Variants in NECTIN1 observed in about 807,000 individuals in gnomAD.
NECTIN1 encodes the protein nectin-1.
Under a neutral mutation model 48.0 loss-of-function variants are expected in NECTIN1, and 23 were observed. That is an observed-to-expected ratio of 0.48 (90% confidence interval 0.34 to 0.68). NECTIN1 has a LOEUF of 0.68. NECTIN1 is among the 30% of genes least tolerant of loss of function. NECTIN1 has a pLI of 0.01. For synonymous variants in NECTIN1, 270 were observed against 288.9 expected (o/e 0.93, Z 0.66); for missense variants, 591 against 709.9 (o/e 0.83, Z 1.90).
intron 5 of NECTIN1, 94 bp downstream of exon 5, chr11:119,675,065 A>C (rs975115723): frequency 5.7e-6 from 8 of 1,412,558 alleles, no homozygotes; most frequent in Non-Finnish European, 6.9e-6. Context: ...AAAAGGAGAT[A>C]ATCTTCCTGC....
At chr11:119,714,285 T>A (rs1347616733) in intron 1 of NECTIN1, among the ~76,000 whole-genome samples, 2 of 152,110 alleles carry the variant, frequency 1.3e-5, no homozygotes, top group Non-Finnish European at 2.9e-5. Context: ...TGTATCCCAA[T>A]GCCAAAAGCG....
chr11:119,663,103 T>G lies in NECTIN1; in HGVS notation c.*1644A>C. The G allele has an allele frequency of 1.0e-6, 1 of 985,378 alleles. No individual in the cohort carries two copies. The highest frequency in any genetic ancestry group is 1.2e-6 in the Non-Finnish European group (1 of 829,922). 61.0% of individuals were successfully genotyped at this position (985,378 alleles called of 1,614,324 possible). On this transcript the variant is annotated 3_prime_UTR_variant, in exon 6 of 6. Transcript: ENST00000264025. ...CCCGTGGGGCACAGAGTGGTCTGCC[T>G]CCCTCCTCCCCAACACTTGCCATCC... is the stretch of plus-strand genomic sequence containing the variant.
Position 119,665,533 on chromosome 11 carries a change from C to CA in NECTIN1, c.1004-237dup, listed in dbSNP as rs1308415561. Among the ~76,000 whole-genome samples, 1 of 152,138 alleles carries CA rather than the reference C, an allele frequency of 6.6e-6. No individual in the cohort carries two copies. The highest frequency in any genetic ancestry group is 1.5e-5 in the Non-Finnish European group (1 of 68,024). ...AAGAGGAGAGGCAGAGGGCAGTACC[C>CA]ACAGCACCAGGGTCTTCCATCCCCA... is the stretch of plus-strand genomic sequence containing the variant. On this transcript the variant is annotated intron_variant, in intron 5 of 5. Transcript: ENST00000264025. The surrounding 1 kb of genome is among the most constrained non-coding windows in gnomAD (Gnocchi z 5.1).
exon 6 of NECTIN1, chr11:119,639,954 C>T (rs752216575): frequency 6.8e-6 from 11 of 1,614,030 alleles, no homozygotes; most frequent in Non-Finnish European, 7.6e-6. Flanking sequence ...GGAACACGGC[C>T]ACGGTGCCCG....
chr11:119,717,804 GT>G (rs749538256), intron 1 of NECTIN1, among the ~76,000 whole-genome samples: 7 of 152,334 alleles, frequency 4.6e-5, no homozygotes, highest in Admixed American at 1.3e-4. Context: ...GGCAATGCTG[GT>G]CCCTTCGTGC....
chr11:119,701,697 C>G (rs114495045), intron 1 of NECTIN1, among the ~76,000 whole-genome samples: 231 of 152,266 alleles, frequency 1.5e-3, no homozygotes, highest in African/African-American at 5.2e-3. Context: ...TTAGTTCTGA[C>G]AAATTAATAA....
At chr11:119,670,424 A>G (rs1172693822) in intron 5 of NECTIN1, among the ~76,000 whole-genome samples, 1 of 152,216 alleles carries the variant, frequency 6.6e-6, no homozygotes, top group Non-Finnish European at 1.5e-5. Context: ...GTTGGACGAC[A>G]GAATGAATTC....
intron 1 of NECTIN1, among the ~76,000 whole-genome samples, chr11:119,715,706 T>C (rs1001215835): frequency 2.6e-5 from 4 of 152,142 alleles, no homozygotes; most frequent in Non-Finnish European, 5.9e-5. Context: ...TGCAGGCCCC[T>C]GCCTAGTGTC....
intron 5 of NECTIN1, chr11:119,674,678 A>T: frequency 6.2e-7 from 1 of 1,614,228 alleles, no homozygotes; most frequent in Non-Finnish European, 8.5e-7. Flanking sequence ...CAGGGCACAC[A>T]AAGCACTATG....
intron 1 of NECTIN1, among the ~76,000 whole-genome samples, chr11:119,720,983 C>T (rs1865819262): frequency 6.6e-6 from 1 of 152,164 alleles, no homozygotes; most frequent in South Asian, 2.1e-4. Context: ...AATGCTTCCT[C>T]TCTAGGGTCC....
intron 1 of NECTIN1, among the ~76,000 whole-genome samples, chr11:119,693,299 G>A (rs369057135): frequency 1.5e-3 from 226 of 152,332 alleles, no homozygotes; most frequent in Admixed American, 2.3e-3. Flanking sequence ...TCCTGGAGCT[G>A]TGGGGTGGTG....
rs567356876 is a variant in NECTIN1 at position 119,711,612 on chromosome 11, A to AG, written c.79+16862dup. Among the ~76,000 whole-genome samples, 504 of 152,170 alleles carry AG rather than the reference A, an allele frequency of 3.3e-3. 6 individuals carry two copies. Among genetic ancestry groups the AG allele is most frequent in the African/African-American group, 0.012 (480 of 41,514 alleles). ...AAATACTAAACAACACAGAAGGGGA[A>AG]GGGGGGCTGGTGTCTGGGAGCCTCG... is the stretch of plus-strand genomic sequence containing the variant. On this transcript the variant is annotated intron_variant, in intron 1 of 5. Transcript: ENST00000264025.
chr11:119,659,094 G>A (rs2135537995), downstream of NECTIN1: 1 of 152,278 alleles, frequency 6.6e-6, no homozygotes, highest in East Asian at 1.9e-4. Context: ...CAAACACAAT[G>A]ACCCACTCCC....
chr11:119,715,714 G>A (rs1865732216), intron 1 of NECTIN1, among the ~76,000 whole-genome samples: 1 of 152,132 alleles, frequency 6.6e-6, no homozygotes, highest in South Asian at 2.1e-4. Context: ...CCTGCCTAGT[G>A]TCACTGTCCC....
At chr11:119,668,930 C>A (rs1018814156) in intron 5 of NECTIN1, among the ~76,000 whole-genome samples, 3 of 152,182 alleles carry the variant, frequency 2.0e-5, no homozygotes, top group African/African-American at 7.2e-5. Context: ...AGTCTATAAG[C>A]TCACTATTGT....
At chr11:119,646,904 C>A (rs1041523024) in intron 5 of NECTIN1, among the ~76,000 whole-genome samples, 3 of 152,200 alleles carry the variant, frequency 2.0e-5, no homozygotes, top group African/African-American at 7.2e-5. Flanking sequence ...GGTAATACTG[C>A]ATGTTAAAGC....
In NECTIN1 at chr11:119,678,003, C is replaced by G. The variant is rs1864990168; in HGVS notation, c.431-146G>C. 2 of 799,142 alleles carry G rather than the reference C, an allele frequency of 2.5e-6. No individual in the cohort carries two copies. Among genetic ancestry groups the G allele is most frequent in the Non-Finnish European group, 4.2e-6 (2 of 474,612 alleles). 49.5% of individuals were successfully genotyped at this position (799,142 alleles called of 1,614,324 possible). Reference sequence around the variant, plus strand: ...TCAGCTGTGCTGCACCAAAGACTGTCCCAGAACCTCTTGCAGGAAGTTCAT... The same window carrying G: ...TCAGCTGTGCTGCACCAAAGACTGTGCCAGAACCTCTTGCAGGAAGTTCAT... On this transcript the variant is annotated intron_variant, in intron 2 of 5. Coordinates refer to ENST00000264025, the MANE Select transcript of NECTIN1 (RefSeq NM_002855.5). This position sits in a 1 kb window ranked among gnomAD's most constrained non-coding sequence, Gnocchi z 4.4.
intron 5 of NECTIN1, among the ~76,000 whole-genome samples, chr11:119,653,805 T>C (rs768218323): frequency 1.3e-5 from 2 of 152,226 alleles, no homozygotes; most frequent in South Asian, 4.1e-4. Flanking sequence ...CTTTAATCCT[T>C]ACAGCCGTCG....
intron 1 of NECTIN1, among the ~76,000 whole-genome samples, chr11:119,720,513 C>T (rs919721687): frequency 6.6e-6 from 1 of 152,254 alleles, no homozygotes; most frequent in Non-Finnish European, 1.5e-5. Context: ...ACCCGTGTGG[C>T]CCCCCATGGG....
Sources: gnomAD v4.1 joint callset for allele counts (sites outside exome capture counted in the v4.1 genomes callset) on GRCh38, gnomAD v4.1.1 for gene constraint, Gnocchi (gnomAD v3.1) non-coding constraint, MANE v1.5 for transcripts, NCBI Gene and HGNC (gene_info 2026-07-23, HGNC 2026-07-21) for gene names.